Variants in PHLPP1 observed in about 807,000 individuals in gnomAD.
PHLPP1 encodes PH domain leucine-rich repeat-containing protein phosphatase 1.
In PHLPP1, 42 loss-of-function variants were observed where a neutral mutation model predicts 117.2. The ratio of observed to expected loss-of-function variants is 0.36; its 90% CI spans 0.28 to 0.46. The LOEUF (loss-of-function observed/expected upper bound fraction) is 0.46. PHLPP1 is among the 20% of genes least tolerant of loss of function. PHLPP1 has a pLI of 1.00. For missense variants in PHLPP1, 2,084 were observed against 2,241.9 expected (o/e 0.93, Z 1.42); for synonymous variants, 1,042 against 970.7 (o/e 1.07, Z -1.37).
At chr18:62,738,773 C>T (rs1568098943) in intron 1 of PHLPP1, among the ~76,000 whole-genome samples, 2 of 152,218 alleles carry the variant, frequency 1.3e-5, no homozygotes, top group African/African-American at 4.8e-5. Context: ...GTCTGTCAAT[C>T]TTACTGTATT....
At chr18:62,914,846 T>G (rs1909219578) in intron 8 of PHLPP1, 67 bp from the exon 9 acceptor site, 3 of 1,040,860 alleles carry the variant, frequency 2.9e-6, no homozygotes, top group East Asian at 4.9e-5. Flanking sequence ...TTCTTTGTAA[T>G]CAATTTGAGT....
chr18:62,858,419 C>T (rs1006842290), intron 3 of PHLPP1, among the ~76,000 whole-genome samples: 3 of 152,116 alleles, frequency 2.0e-5, no homozygotes, highest in African/African-American at 4.8e-5. Flanking sequence ...CCCACCACTA[C>T]GCCCAGCTAA....
intron 1 of PHLPP1, among the ~76,000 whole-genome samples, chr18:62,800,193 C>A (rs56172751): frequency 3.9e-5 from 6 of 152,096 alleles, no homozygotes; most frequent in African/African-American, 1.4e-4. Context: ...CCCCACCCCC[C>A]ACTGGCTGAA....
chr18:62,753,012 T>C (rs1315304591), intron 1 of PHLPP1, among the ~76,000 whole-genome samples: 3 of 152,100 alleles, frequency 2.0e-5, no homozygotes, highest in Non-Finnish European at 4.4e-5. Flanking sequence ...CAAAGAAAAA[T>C]AGCTGTTTAA....
intron 1 of PHLPP1, among the ~76,000 whole-genome samples, chr18:62,737,244 C>T (rs778811799): frequency 5.3e-5 from 8 of 151,780 alleles, no homozygotes; most frequent in Non-Finnish European, 7.4e-5. Flanking sequence ...TGACAGGGCT[C>T]GATGTGGGTG....
At chr18:62,771,139 G>A (rs992091307) in intron 1 of PHLPP1, among the ~76,000 whole-genome samples, 2 of 151,546 alleles carry the variant, frequency 1.3e-5, no homozygotes, top group Admixed American at 6.6e-5. Flanking sequence ...GCTTGAACCC[G>A]GGAGGTGGAG....
chr18:62,836,484 TAAAAA>T (rs1914904165), intron 2 of PHLPP1, among the ~76,000 whole-genome samples: 1 of 108,368 alleles, frequency 9.2e-6, no homozygotes, highest in Admixed American at 1.1e-4. Flanking sequence ...AATAAATAAA[TAAAAA>T]TAAATTACTG....
intron 1 of PHLPP1, among the ~76,000 whole-genome samples, chr18:62,825,930 CA>C (rs755296091): frequency 6.6e-6 from 1 of 152,038 alleles, no homozygotes; most frequent in African/African-American, 2.4e-5. Context: ...AGATAAAAGG[CA>C]AAGTGACGAG....
At chr18:62,968,142 C>A (rs1910955737) in intron 14 of PHLPP1, among the ~76,000 whole-genome samples, 1 of 152,170 alleles carries the variant, frequency 6.6e-6, no homozygotes, top group African/African-American at 2.4e-5. Context: ...ATATTTCTTA[C>A]ATGCTGCTGG....
At chr18:62,895,216 G>T in intron 5 of PHLPP1, 59 bp downstream of exon 5, 1 of 1,546,728 alleles carries the variant, frequency 6.5e-7, no homozygotes, top group Non-Finnish European at 8.8e-7. Context: ...AGCTGCATTG[G>T]GGGTGTGGCA....
At chr18:62,880,078 T>A (rs868118175) in intron 4 of PHLPP1, among the ~76,000 whole-genome samples, 4 of 152,178 alleles carry the variant, frequency 2.6e-5, no homozygotes, top group African/African-American at 9.7e-5. Context: ...GTGAAAACCA[T>A]GTCTAAATCA....
At chr18:62,787,211 A>G (rs1568117254) in intron 1 of PHLPP1, among the ~76,000 whole-genome samples, 1 of 152,042 alleles carries the variant, frequency 6.6e-6, no homozygotes, top group Non-Finnish European at 1.5e-5. Flanking sequence ...AAATATAGCT[A>G]ACCCCAATTA....
intron 13 of PHLPP1, among the ~76,000 whole-genome samples, chr18:62,960,163 TA>T (rs1373185623): frequency 1.3e-5 from 2 of 152,232 alleles, no homozygotes; most frequent in African/African-American, 2.4e-5. Flanking sequence ...CAAAATTTGT[TA>T]ATAAATGGAA....
intron 10 of PHLPP1, among the ~76,000 whole-genome samples, chr18:62,931,231 T>C (rs1280735573): frequency 1.3e-5 from 2 of 150,404 alleles, no homozygotes; most frequent in African/African-American, 4.9e-5. Flanking sequence ...AATGAATACA[T>C]GGAAACTAAA....
At chr18:62,920,737 T>G (rs1205237104) in intron 10 of PHLPP1, among the ~76,000 whole-genome samples, 1 of 152,128 alleles carries the variant, frequency 6.6e-6, no homozygotes, top group Non-Finnish European at 1.5e-5. Context: ...TTTTTTGTAT[T>G]TTTAGTAGAG....
At position 62,853,352 on chromosome 18, in the gene PHLPP1, CTTTTTTT is replaced by C. The variant is rs368635124; in HGVS notation, c.1900-7077_1900-7071del. 2.4e-4 allele frequency among the ~76,000 whole-genome samples: 34 copies of C among 142,018 alleles called. No individual in the cohort carries two copies. In the East Asian group the frequency reaches 4.6e-3, roughly 19 times the overall value. The allele number at this position is 142,018 out of a possible 152,430, so 93.2% of individuals were successfully genotyped here. On this transcript the variant is annotated intron_variant, in intron 3 of 16. Transcript: ENST00000262719. ...TTAGCCTTAATTTTTTTTCTTTTTT[CTTTTTTT>C]TTTTTGTTCTTGTTTCGTTTTGTTT...
Position 62,716,690 on chromosome 18 carries a change from C to A in PHLPP1, c.1007C>A (p.Ser336Ter). 1 of 1,471,798 alleles carries A rather than the reference C, an allele frequency of 6.8e-7. No individual in the cohort carries two copies. The highest frequency in any genetic ancestry group is 1.3e-5 in the South Asian group (1 of 78,028). The allele number at this position is 1,471,798 out of a possible 1,614,324, so 91.2% of individuals were successfully genotyped here. A position where few individuals can be genotyped will look rare whatever the true frequency, so the allele number is the denominator to read the frequency against. ...GEPFVGGPVS[S>*]PRAPRPVVSD... is the part of the protein sequence containing the mutation. ...CCGTTCGTTGGGGGCCCTGTCTCTT[C>A]GCCCCGCGCCCCACGGCCTGTGGTC... The change falls in exon 1 of 17, where the codon TCG (serine) becomes TAG (stop). Residue 336 changes from serine to a stop codon, truncating the protein, a stop_gained. Coordinates refer to ENST00000262719, the MANE Select transcript of PHLPP1 (RefSeq NM_194449.4). LOFTEE classifies it high-confidence loss of function. The surrounding 1 kb of genome is among the most constrained non-coding windows in gnomAD (Gnocchi z 5.7).
At position 62,895,865 on chromosome 18, in the gene PHLPP1, T is replaced by A. The variant is rs779627534; in HGVS notation, c.2298T>A (p.Gly766=). The A allele has an allele frequency of 2.0e-5, 32 of 1,613,416 alleles. No homozygotes were observed. Among genetic ancestry groups the A allele is most frequent in the Non-Finnish European group, 2.5e-5 (30 of 1,179,426 alleles). ...LENMKQLSYL[G]LSFNEFTDIP... Reference sequence around the variant, plus strand: ...ACATGAAGCAGCTTAGTTATCTGGGTCTTTCTTTCAATGAATTTACTGACA... The same window carrying A: ...ACATGAAGCAGCTTAGTTATCTGGGACTTTCTTTCAATGAATTTACTGACA... Residue 766 remains glycine, a synonymous_variant, in exon 6 of 17, where the codon GGT becomes GGA. Coordinates refer to ENST00000262719, the MANE Select transcript of PHLPP1 (RefSeq NM_194449.4).
chr18:62,967,828 C>CTT (rs749907367), intron 14 of PHLPP1, among the ~76,000 whole-genome samples: 4 of 132,536 alleles, frequency 3.0e-5, no homozygotes, highest in Non-Finnish European at 3.3e-5. Context: ...GTATATTTTT[C>CTT]TTTTTTTTTT....
Sources: allele counts gnomAD v4.1 joint callset (sites outside exome capture counted in the v4.1 genomes callset), GRCh38; gene constraint gnomAD v4.1.1; non-coding constraint Gnocchi (gnomAD v3.1); transcripts MANE v1.5; gene names NCBI Gene and HGNC (gene_info 2026-07-23, HGNC 2026-07-21).